The following CHSY3 variants were observed in gnomAD, a reference collection of about 807,000 sequenced individuals.
The protein encoded by CHSY3 is chondroitin sulfate synthase 3.
Under a neutral mutation model 67.2 loss-of-function variants are expected in CHSY3, and 35 were observed. The ratio of observed to expected loss-of-function variants is 0.52; its 90% CI spans 0.40 to 0.69. The LOEUF (loss-of-function observed/expected upper bound fraction) is 0.69. Ranked by LOEUF, CHSY3 falls within the 30% of genes least tolerant of loss-of-function variation. The pLI is 0.00. For missense variants in CHSY3, 1,069 were observed against 1,138.5 expected (o/e 0.94, Z 0.88); for synonymous variants, 474 against 434.7 (o/e 1.09, Z -1.12).
At chr5:130,107,031 A>T (rs537714855) in intron 2 of CHSY3, among the ~76,000 whole-genome samples, 48 of 151,480 alleles carry the variant, frequency 3.2e-4, no homozygotes, top group Non-Finnish European at 1.5e-5. Context: ...CTATTTCTGG[A>T]TTTACTCTCA....
chr5:130,080,735 G>C (rs1766418671), intron 2 of CHSY3, among the ~76,000 whole-genome samples: 1 of 152,112 alleles, frequency 6.6e-6, no homozygotes, highest in Admixed American at 6.6e-5. Flanking sequence ...TTCACTTACT[G>C]TGTGATCATA....
At chr5:129,925,807 G>C (rs1761085403) in intron 2 of CHSY3, among the ~76,000 whole-genome samples, 1 of 151,890 alleles carries the variant, frequency 6.6e-6, no homozygotes, top group Admixed American at 6.6e-5. Context: ...GAAATGCTTA[G>C]TGTGATCTGA....
At chr5:130,018,976 C>T (rs546006429) in intron 2 of CHSY3, among the ~76,000 whole-genome samples, 1 of 152,166 alleles carries the variant, frequency 6.6e-6, no homozygotes, top group African/African-American at 2.4e-5. Flanking sequence ...CCATCTCTGC[C>T]GTGTTTTGAT....
At chr5:130,034,430 C>A (rs575136641) in intron 2 of CHSY3, among the ~76,000 whole-genome samples, 79 of 152,198 alleles carry the variant, frequency 5.2e-4, no homozygotes, top group Non-Finnish European at 1.1e-3. Context: ...AATCTTAGCG[C>A]TGCCAATTTT....
At chr5:129,929,651 T>TAAA in intron 2 of CHSY3, among the ~76,000 whole-genome samples, 1 of 151,422 alleles carries the variant, frequency 6.6e-6, no homozygotes, top group Middle Eastern at 3.4e-3. Context: ...ATAGCAAAAA[T>TAAA]AAAAAAAAAC....
At position 129,924,086 on chromosome 5, in the gene CHSY3, A is replaced by G. The variant is rs182700990; in HGVS notation, c.1086+15726A>G. 7.3e-3 allele frequency among the ~76,000 whole-genome samples: 1,110 copies of G among 152,304 alleles called. 9 individuals are homozygous for G. The highest frequency in any genetic ancestry group is 0.011 in the Non-Finnish European group (727 of 68,014). ...TTGTTTGAAAATTATATAAAATTTA[A>G]GTTCTATTTAGTGATTTGAACTAAA... On this transcript the variant is annotated intron_variant, in intron 2 of 2. Coordinates refer to ENST00000305031, the MANE Select transcript of CHSY3 (RefSeq NM_175856.5).
intron 2 of CHSY3, among the ~76,000 whole-genome samples, chr5:130,139,388 G>C (rs1214812866): frequency 6.6e-6 from 1 of 152,238 alleles, no homozygotes; most frequent in African/African-American, 2.4e-5. Flanking sequence ...AGAGCAAGCA[G>C]TGTGGGCTCT....
intron 2 of CHSY3, among the ~76,000 whole-genome samples, chr5:130,098,703 T>G (rs1348481193): frequency 6.6e-6 from 1 of 152,222 alleles, no homozygotes; most frequent in Non-Finnish European, 1.5e-5. Flanking sequence ...AGACCCAGTT[T>G]CCTAATTCCA....
chr5:129,958,275 G>T (rs567774363), intron 2 of CHSY3, among the ~76,000 whole-genome samples: 4 of 152,074 alleles, frequency 2.6e-5, no homozygotes, highest in Non-Finnish European at 5.9e-5. Context: ...TGAGTGAAAG[G>T]CTTGGTTGAT....
intron 2 of CHSY3, among the ~76,000 whole-genome samples, chr5:130,101,320 G>T (rs1268965848): frequency 6.6e-6 from 1 of 151,890 alleles, no homozygotes; most frequent in African/African-American, 2.4e-5. Context: ...ATAGCATAAC[G>T]CAAATTTCTC....
At chr5:130,133,861 T>C (rs370357406) in intron 2 of CHSY3, among the ~76,000 whole-genome samples, 10 of 148,206 alleles carry the variant, frequency 6.7e-5, no homozygotes, top group African/African-American at 2.5e-4. Flanking sequence ...TTATGTTTGC[T>C]CCCAAACATA....
chr5:130,094,523 G>A lies in CHSY3; in HGVS notation c.1087-89706G>A, dbSNP rs369672382. On this transcript the variant is annotated intron_variant, in intron 2 of 2. Transcript: ENST00000305031. Reference sequence around the variant, plus strand: ...AAGTAAAAGCTTGTTTTTGTCTGGTGTCAGGAGTGAAGAGTTTCTTATACA... The same window carrying A: ...AAGTAAAAGCTTGTTTTTGTCTGGTATCAGGAGTGAAGAGTTTCTTATACA... 1.1e-4 allele frequency among the ~76,000 whole-genome samples: 16 copies of A among 152,110 alleles called. No individual in the cohort carries two copies. In the East Asian group the frequency reaches 1.5e-3, roughly 15 times the overall value.
In CHSY3 at chr5:130,125,953, C is replaced by T. The variant is rs527300407; in HGVS notation, c.1087-58276C>T. ...GACCTTTTAAATGAAATGTTGCTTCCCAGCTCTCAATTGAGTGTTTCCTTT... is the reference window on the plus strand; with the variant it reads ...GACCTTTTAAATGAAATGTTGCTTCTCAGCTCTCAATTGAGTGTTTCCTTT... On this transcript the variant is annotated intron_variant, in intron 2 of 2. Transcript: ENST00000305031. Among the ~76,000 whole-genome samples the T allele has an allele frequency of 2.6e-5, 4 of 152,226 alleles. No individual in the cohort carries two copies. The South Asian group carries it at 6.2e-4, about 24-fold the overall frequency.
chr5:130,117,825 T>C (rs1177669756), intron 2 of CHSY3, among the ~76,000 whole-genome samples: 1 of 152,224 alleles, frequency 6.6e-6, no homozygotes, highest in African/African-American at 2.4e-5. Flanking sequence ...TGCATTTCCA[T>C]TAAATTCTCA....
At chr5:130,111,905 G>A (rs1368455098) in intron 2 of CHSY3, among the ~76,000 whole-genome samples, 2 of 152,044 alleles carry the variant, frequency 1.3e-5, no homozygotes, top group Non-Finnish European at 2.9e-5. Context: ...CTAGAATTCA[G>A]GCAGGGTTTT....
rs1234588815 is a variant in CHSY3, at chr5:129,999,557, T to TG, written c.1086+91198dup. 7.9e-5 allele frequency among the ~76,000 whole-genome samples: 12 copies of TG among 152,108 alleles called. No individual in the cohort carries two copies. The East Asian group carries it at 2.1e-3, about 27-fold the overall frequency. The stretch of plus-strand genomic sequence containing the variant: ...ACACTCTCCAGCAATGTTGAGAGGG[T>TG]GCTGAATTTTATCTTCCAAGTTTCC... On this transcript the variant is annotated intron_variant, in intron 2 of 2. Transcript: ENST00000305031.
intron 2 of CHSY3, among the ~76,000 whole-genome samples, chr5:130,095,728 C>G (rs1434156417): frequency 1.3e-5 from 2 of 152,096 alleles, no homozygotes; most frequent in African/African-American, 4.8e-5. Context: ...AAAGTATAAG[C>G]AAAAACAGGA....
intron 2 of CHSY3, among the ~76,000 whole-genome samples, chr5:130,119,023 C>T (rs1767916666): frequency 6.6e-6 from 1 of 152,046 alleles, no homozygotes; most frequent in Admixed American, 6.6e-5. Flanking sequence ...TGAAAGGGAA[C>T]ACTGTTAATG....
At chr5:130,066,828 A>G (rs1447614733) in intron 2 of CHSY3, among the ~76,000 whole-genome samples, 3 of 152,070 alleles carry the variant, frequency 2.0e-5, no homozygotes, top group Non-Finnish European at 4.4e-5. Context: ...ATGCTTCTCA[A>G]CACTCTTCAG....
Sources: gnomAD v4.1 joint callset for allele counts (sites outside exome capture counted in the v4.1 genomes callset) on GRCh38, gnomAD v4.1.1 for gene constraint, MANE v1.5 for transcripts, NCBI Gene and HGNC (gene_info 2026-07-23, HGNC 2026-07-21) for gene names.